Variants in LRRFIP1 observed in about 807,000 individuals in gnomAD.
LRRFIP1 encodes the protein LRR binding FLII interacting protein 1.
Under a neutral mutation model 104.4 loss-of-function variants are expected in LRRFIP1, and 62 were observed. That is an observed-to-expected ratio of 0.59 (90% CI 0.48 to 0.73). LRRFIP1 has a LOEUF of 0.73. LRRFIP1 is among the 30% of genes least tolerant of loss of function. The pLI, the probability that LRRFIP1 is intolerant of heterozygous loss-of-function variation, is 0.00. For synonymous variants in LRRFIP1, 300 were observed against 299.0 expected (o/e 1.00, Z -0.03); for missense variants, 796 against 824.5 (o/e 0.97, Z 0.42).
intron 1 of LRRFIP1, among the ~76,000 whole-genome samples, chr2:237,701,315 G>A (rs1009768975): frequency 3.9e-5 from 6 of 152,208 alleles, no homozygotes; most frequent in South Asian, 2.1e-4. Context: ...AGCCCCAGAC[G>A]TCACTGGAAT....
At chr2:237,708,928 G>A in intron 2 of LRRFIP1, 1 of 524,898 alleles carries the variant, frequency 1.9e-6, no homozygotes, top group African/African-American at 1.9e-5. Context: ...GAGCTTTAAG[G>A]TCTAACTGTT....
At chr2:237,679,054 C>T (rs879572446) in intron 1 of LRRFIP1, among the ~76,000 whole-genome samples, 1 of 152,188 alleles carries the variant, frequency 6.6e-6, no homozygotes, top group Non-Finnish European at 1.5e-5. Context: ...AATCTGTGCT[C>T]CCTGTCACCA....
chr2:237,718,207 C>T (rs1268842336), intron 4 of LRRFIP1, among the ~76,000 whole-genome samples: 2 of 152,256 alleles, frequency 1.3e-5, no homozygotes, highest in Non-Finnish European at 1.5e-5. Context: ...CGCAGCTCAC[C>T]AGGCTGTGGT....
At chr2:237,641,419 C>T (rs1369630124) in intron 1 of LRRFIP1, among the ~76,000 whole-genome samples, 1 of 151,154 alleles carries the variant, frequency 6.6e-6, no homozygotes, top group Non-Finnish European at 1.5e-5. Flanking sequence ...ATCGCTTGAA[C>T]CCAGGAGGTA....
chr2:237,728,622 C>T (rs904147858), intron 8 of LRRFIP1, among the ~76,000 whole-genome samples: 1 of 152,138 alleles, frequency 6.6e-6, no homozygotes, highest in Admixed American at 6.5e-5. Context: ...TTAAGCTTCA[C>T]GATATCCCAC....
At chr2:237,687,888 G>A (rs2092489608) in intron 1 of LRRFIP1, among the ~76,000 whole-genome samples, 2 of 152,198 alleles carry the variant, frequency 1.3e-5, no homozygotes, top group African/African-American at 4.8e-5. Flanking sequence ...AAACCACAGT[G>A]GGAGGCGCAG....
rs187369526 is a variant in LRRFIP1 at position 237,670,768 on chromosome 2, T to C, written c.97-37776T>C. On this transcript the variant is annotated intron_variant, in intron 1 of 23. Transcript: ENST00000308482. The stretch of plus-strand genomic sequence containing the variant: ...ACCTCTGCAGGCTGCGTCCCCTGCC[T>C]GCCTCAGTTTCTGCGTCTAAGCTAG... 3.9e-4 allele frequency among the ~76,000 whole-genome samples: 60 copies of C among 152,342 alleles called. 1 individual carries two copies. Among genetic ancestry groups the C allele is most frequent in the Non-Finnish European group, 1.3e-4 (9 of 68,018 alleles).
chr2:237,690,189 C>T (rs779509547), intron 1 of LRRFIP1, among the ~76,000 whole-genome samples: 8 of 152,162 alleles, frequency 5.3e-5, no homozygotes, highest in Non-Finnish European at 7.3e-5. Context: ...GCCAAGGGAA[C>T]GGAAACCAGT....
At chr2:237,752,984 TG>T (rs1281056005) in intron 14 of LRRFIP1, among the ~76,000 whole-genome samples, 2 of 152,228 alleles carry the variant, frequency 1.3e-5, no homozygotes, top group Non-Finnish European at 2.9e-5. Context: ...GACGCCGTGC[TG>T]GGGGGATTCC....
rs555440497 is a variant in LRRFIP1 at position 237,725,566 on chromosome 2, A to G, written c.384+1980A>G. ...GTTAGCAGTGTTCTTTAAGAAGGTC[A>G]AAGTACTTCTCCCTATGGAGGTATA... is the stretch of plus-strand genomic sequence containing the variant. On this transcript the variant is annotated intron_variant, in intron 7 of 23. Transcript: ENST00000308482. 9.8e-5 allele frequency among the ~76,000 whole-genome samples: 15 copies of G among 152,352 alleles called. No individual in the cohort carries two copies. In the South Asian group the frequency reaches 2.3e-3, roughly 23 times the overall value.
At chr2:237,695,587 C>T (rs568547268) in intron 1 of LRRFIP1, among the ~76,000 whole-genome samples, 1 of 152,138 alleles carries the variant, frequency 6.6e-6, no homozygotes, top group Non-Finnish European at 1.5e-5. Flanking sequence ...AATATCTGCT[C>T]GTATTTAAAG....
intron 11 of LRRFIP1, 21 bp from the exon 12 acceptor site, chr2:237,748,343 T>C: frequency 6.4e-7 from 1 of 1,569,676 alleles, no homozygotes; most frequent in Middle Eastern, 1.7e-4. Flanking sequence ...TATTTAATAT[T>C]TTGTCTGTTT....
intron 1 of LRRFIP1, chr2:237,692,122 G>A: frequency 2.2e-6 from 2 of 895,902 alleles, no homozygotes; most frequent in Non-Finnish European, 2.6e-6. Flanking sequence ...GCGTAGCCGG[G>A]AGGGCCCCTC....
chr2:237,677,489 A>C (rs75794138), intron 1 of LRRFIP1, among the ~76,000 whole-genome samples: 2,558 of 152,262 alleles, frequency 0.017, 65 homozygotes, highest in African/African-American at 0.058. Context: ...TATTTTGTCC[A>C]TTTAATATAA....
chr2:237,636,758 G>C (rs2083181430), intron 1 of LRRFIP1, among the ~76,000 whole-genome samples: 1 of 152,234 alleles, frequency 6.6e-6, no homozygotes, highest in Non-Finnish European at 1.5e-5. Context: ...CACAAAGTGT[G>C]AACAGGAAGC....
intron 6 of LRRFIP1, chr2:237,721,644 C>T (rs1329058542): frequency 1.3e-5 from 2 of 152,216 alleles, no homozygotes; most frequent in Non-Finnish European, 2.9e-5. Context: ...GCTTGTTTCT[C>T]TTCACTGTGG....
intron 10 of LRRFIP1, among the ~76,000 whole-genome samples, chr2:237,736,675 C>T (rs891999082): frequency 6.6e-6 from 1 of 152,170 alleles, no homozygotes; most frequent in Non-Finnish European, 1.5e-5. Context: ...GTGCTTTTAG[C>T]CCCCACAAGA....
intron 8 of LRRFIP1, among the ~76,000 whole-genome samples, chr2:237,732,987 G>C (rs922724010): frequency 2.0e-5 from 3 of 152,190 alleles, no homozygotes; most frequent in Non-Finnish European, 4.4e-5. Flanking sequence ...GGTGTCAGAG[G>C]TGAAAGTACA....
chr2:237,718,918 T>C (rs566415000), intron 4 of LRRFIP1, among the ~76,000 whole-genome samples: 4 of 152,344 alleles, frequency 2.6e-5, no homozygotes, highest in Admixed American at 2.6e-4. Context: ...GGCATGGTGA[T>C]ATAAGAAAGA....
Sources: gnomAD v4.1 joint callset for allele counts (sites outside exome capture counted in the v4.1 genomes callset) on GRCh38, gnomAD v4.1.1 for gene constraint, MANE v1.5 for transcripts, NCBI Gene and HGNC (gene_info 2026-07-23, HGNC 2026-07-21) for gene names.